MAGI2: variants seen among roughly 807,000 people sequenced by gnomAD.
MAGI2 encodes membrane-associated guanylate kinase, WW and PDZ domain-containing protein 2.
In MAGI2, 35 loss-of-function variants were observed where a neutral mutation model predicts 133.3. That is an observed-to-expected ratio of 0.26 (90% CI 0.20 to 0.35). The LOEUF (loss-of-function observed/expected upper bound fraction) is 0.35, where lower values mean the gene tolerates loss of function less well. Among genes scored for constraint, MAGI2 ranks in the 10% least tolerant of loss-of-function variants. The pLI is 1.00. For synonymous variants in MAGI2, 729 were observed against 710.6 expected, an observed-to-expected ratio of 1.03 and a Z score of -0.41; for missense variants, 1,636 against 1,863.4, an observed-to-expected ratio of 0.88 and a Z score of 2.25.
intron 16 of MAGI2, among the ~76,000 whole-genome samples, chr7:78,145,177 G>T (rs1462948821): frequency 6.6e-6 from 1 of 152,128 alleles, no homozygotes; most frequent in East Asian, 1.9e-4. Context: ...CTGAAAAAAT[G>T]ATTTTTCTTC....
At chr7:79,156,244 T>C (rs963935452) in intron 1 of MAGI2, among the ~76,000 whole-genome samples, 1 of 152,156 alleles carries the variant, frequency 6.6e-6, no homozygotes, top group African/African-American at 2.4e-5. Flanking sequence ...CAAAATATTT[T>C]ACCCCAAAAC....
At chr7:78,271,061 G>A (rs1484269438) in intron 9 of MAGI2, among the ~76,000 whole-genome samples, 1 of 152,110 alleles carries the variant, frequency 6.6e-6, no homozygotes, top group Non-Finnish European at 1.5e-5. Context: ...AGGGGGGAAT[G>A]CTTACAGTTT....
chr7:78,651,425 C>T (rs1057322740), intron 2 of MAGI2, among the ~76,000 whole-genome samples: 5 of 151,888 alleles, frequency 3.3e-5, no homozygotes, highest in African/African-American at 9.7e-5. Context: ...ATTCTTTCAG[C>T]GCACCCACTG....
At chr7:78,655,416 A>G (rs533858444) in intron 2 of MAGI2, among the ~76,000 whole-genome samples, 33 of 149,134 alleles carry the variant, frequency 2.2e-4, no homozygotes, top group Middle Eastern at 3.4e-3. Context: ...AAACAAAACA[A>G]AACAAAACAA....
chr7:78,787,362 G>A (rs555390968), intron 2 of MAGI2, among the ~76,000 whole-genome samples: 1 of 152,182 alleles, frequency 6.6e-6, no homozygotes, highest in East Asian at 1.9e-4. Context: ...CAGGGAATAA[G>A]CCACTTGGGA....
chr7:78,816,154 C>T (rs1470848300), intron 2 of MAGI2, among the ~76,000 whole-genome samples: 1 of 152,204 alleles, frequency 6.6e-6, no homozygotes, highest in Non-Finnish European at 1.5e-5. Flanking sequence ...GAAGATTCCA[C>T]CAGCTACATT....
chr7:79,224,823 G>T (rs756623206), intron 1 of MAGI2, among the ~76,000 whole-genome samples: 54 of 152,276 alleles, frequency 3.5e-4, no homozygotes, highest in Non-Finnish European at 6.3e-4. Flanking sequence ...TAGGGGTAGG[G>T]CATTGACTAC....
intron 1 of MAGI2, among the ~76,000 whole-genome samples, chr7:79,358,310 C>T (rs761004457): frequency 2.1e-4 from 32 of 152,018 alleles, no homozygotes; most frequent in Non-Finnish European, 2.9e-4. Context: ...TTTCTGAATT[C>T]TATTTTTACC....
intron 2 of MAGI2, among the ~76,000 whole-genome samples, chr7:78,647,672 T>A (rs992620268): frequency 9.2e-5 from 14 of 152,354 alleles, no homozygotes; most frequent in Non-Finnish European, 1.9e-4. Context: ...TATGAAATAA[T>A]GCTACTACAA....
chr7:78,859,412 G>C (rs1371302656), intron 2 of MAGI2, among the ~76,000 whole-genome samples: 2 of 150,358 alleles, frequency 1.3e-5, no homozygotes, highest in East Asian at 3.9e-4. Context: ...TCTTCCTTCA[G>C]GAGGTCTTTT....
intron 10 of MAGI2, among the ~76,000 whole-genome samples, chr7:78,221,617 G>T (rs761528300): frequency 6.6e-6 from 1 of 152,000 alleles, no homozygotes; most frequent in East Asian, 1.9e-4. Context: ...AATCCATATC[G>T]CTCATATTAT....
At chr7:78,760,359 CTCTT>C (rs1339682928) in intron 2 of MAGI2, among the ~76,000 whole-genome samples, 9 of 109,530 alleles carry the variant, frequency 8.2e-5, no homozygotes, top group African/African-American at 2.6e-4. Context: ...CTTTAATTCT[CTCTT>C]TTTTTTTTTT....
chr7:78,996,117 A>G (rs1806285567), intron 2 of MAGI2, among the ~76,000 whole-genome samples: 1 of 152,188 alleles, frequency 6.6e-6, no homozygotes, highest in Non-Finnish European at 1.5e-5. Context: ...GAGACCCACC[A>G]ACCATTCTCC....
In MAGI2 at chr7:78,498,711, G is replaced by T. The variant is rs187384563; in HGVS notation, c.965+2866C>A. 1.4e-4 allele frequency among the ~76,000 whole-genome samples: 21 copies of T among 152,216 alleles called. No homozygotes were observed. The East Asian group carries it at 3.7e-3, about 27-fold the overall frequency. The stretch of plus-strand genomic sequence containing the variant: ...ACCACACCGAATCTTGAGGTTCAAA[G>T]GTAACCTTTATGAAAGACAGATGAA... On this transcript the variant is annotated intron_variant, in intron 5 of 21. Transcript: ENST00000354212.
At chr7:78,083,387 G>GGGGGGAGA (rs1816229903) in intron 20 of MAGI2, among the ~76,000 whole-genome samples, 4 of 33,306 alleles carry the variant, frequency 1.2e-4, no homozygotes, top group African/African-American at 2.6e-4. Context: ...AGGGAGGGGG[G>GGGGGGAGA]GAGAGAGAGA....
chr7:78,767,448 T>C (rs896323445), intron 2 of MAGI2, among the ~76,000 whole-genome samples: 3 of 152,146 alleles, frequency 2.0e-5, no homozygotes, highest in East Asian at 1.9e-4. Flanking sequence ...CAAAAGCTGA[T>C]TGCAGACAGT....
chr7:79,376,868 G>A (rs554877003), intron 1 of MAGI2, among the ~76,000 whole-genome samples: 6 of 150,638 alleles, frequency 4.0e-5, no homozygotes, highest in Non-Finnish European at 8.9e-5. Flanking sequence ...TTCAACACAA[G>A]AGAAACATCA....
intron 6 of MAGI2, chr7:78,486,764 A>G: frequency 2.4e-6 from 1 of 421,208 alleles, no homozygotes; most frequent in Admixed American, 2.7e-5. Context: ...CTGCAATGTG[A>G]GTTTGACGTC....
chr7:79,420,922 T>C (rs1846909996), intron 1 of MAGI2, among the ~76,000 whole-genome samples: 1 of 152,034 alleles, frequency 6.6e-6, no homozygotes, highest in South Asian at 2.1e-4. Context: ...CTTCAAGTTA[T>C]GAGAAAGCTT....
Sources: gnomAD v4.1 joint callset for allele counts (sites outside exome capture counted in the v4.1 genomes callset) on GRCh38, gnomAD v4.1.1 for gene constraint, MANE v1.5 for transcripts, NCBI Gene and HGNC (gene_info 2026-07-23, HGNC 2026-07-21) for gene names.